ALOX5AP: variants seen among roughly 807,000 people sequenced by gnomAD.
ALOX5AP encodes arachidonate 5-lipoxygenase-activating protein.
ALOX5AP carries 9 observed loss-of-function variants against 18.5 expected under a neutral mutation model. That is an observed-to-expected ratio of 0.49 (90% CI 0.29 to 0.85). The LOEUF is 0.85. ALOX5AP is among the 40% of genes least tolerant of loss of function. The pLI, the probability that ALOX5AP is intolerant of heterozygous loss-of-function variation, is 0.08. For synonymous variants in ALOX5AP, 81 were observed against 78.6 expected (o/e 1.03, Z -0.16); for missense variants, 172 against 202.5 (o/e 0.85, Z 0.91).
upstream of ALOX5AP, among the ~76,000 whole-genome samples, chr13:30,732,424 A>G (rs1052270633): frequency 6.6e-6 from 1 of 152,180 alleles, no homozygotes; most frequent in African/African-American, 2.4e-5. Flanking sequence ...CTTCTTTAAA[A>G]ACTGGAAATT....
intron 2 of ALOX5AP, among the ~76,000 whole-genome samples, chr13:30,751,342 C>T (rs140061764): frequency 1.3e-5 from 2 of 152,114 alleles, no homozygotes; most frequent in African/African-American, 4.8e-5. Context: ...GATTACAAGG[C>T]GTGTTGTTTT....
intron 1 of ALOX5AP, among the ~76,000 whole-genome samples, chr13:30,736,282 A>AAG (rs149655927): frequency 2.8e-4 from 42 of 149,030 alleles, no homozygotes; most frequent in Non-Finnish European, 4.9e-4. Context: ...ATACTTCAGA[A>AAG]AGAGAGAGAG....
At chr13:30,744,472 A>G (rs1951792922) in intron 2 of ALOX5AP, 2 of 247,086 alleles carry the variant, frequency 8.1e-6, no homozygotes, top group Admixed American at 9.6e-5. Flanking sequence ...GTGGGGTTAG[A>G]CCAGGGTTGC....
chr13:30,761,463 T>G (rs537893420), intron 4 of ALOX5AP, among the ~76,000 whole-genome samples: 1 of 152,232 alleles, frequency 6.6e-6, no homozygotes, highest in East Asian at 1.9e-4. Flanking sequence ...ATATTTGACT[T>G]TTCACAATTT....
At chr13:30,714,362 G>C (rs1951532860) in intron 1 of ALOX5AP, among the ~76,000 whole-genome samples, 1 of 152,022 alleles carries the variant, frequency 6.6e-6, no homozygotes, top group South Asian at 2.1e-4. Flanking sequence ...TCCTCACTGA[G>C]AGGGTTTCCC....
chr13:30,750,192 C>T (rs1951841377), intron 2 of ALOX5AP, among the ~76,000 whole-genome samples: 1 of 152,128 alleles, frequency 6.6e-6, no homozygotes, highest in Non-Finnish European at 1.5e-5. Flanking sequence ...GGAGAACTGC[C>T]ACCTTCGACC....
At chr13:30,731,496 C>T (rs1951680302), upstream of ALOX5AP, among the ~76,000 whole-genome samples, 3 of 152,052 alleles carry the variant, frequency 2.0e-5, no homozygotes, top group Admixed American at 6.5e-5. Flanking sequence ...TGCCTCAGCC[C>T]CGAGTAGCTG....
chr13:30,756,123 C>T (rs1951891709), intron 4 of ALOX5AP, 98 bp downstream of exon 4: 4 of 1,151,356 alleles, frequency 3.5e-6, no homozygotes, highest in Admixed American at 1.9e-5. Context: ...ATTCACGGCT[C>T]CGTAGCATCC....
Position 30,763,926 on chromosome 13 carries a change from T to C in ALOX5AP, c.324-18T>C. 1.2e-6 allele frequency: 2 copies of C among 1,608,452 alleles called. No individual in the cohort carries two copies. Among genetic ancestry groups the C allele is most frequent in the Non-Finnish European group, 8.5e-7 (1 of 1,178,136 alleles). On this transcript the variant is annotated intron_variant, in intron 4 of 4. Coordinates refer to ENST00000380490, the MANE Select transcript of ALOX5AP (RefSeq NM_001629.4). ...CATTCGCACTGCATCTACAGTTTTC[T>C]TTTTCCTTCTCTTCCAGCACCCCTG... is the stretch of plus-strand genomic sequence containing the variant.
exon 1 of ALOX5AP, chr13:30,713,836 G>A: frequency 6.7e-7 from 1 of 1,481,534 alleles, no homozygotes; most frequent in Non-Finnish European, 8.9e-7. Flanking sequence ...TAAGCCATCA[G>A]TGCTGGTGTG....
intron 4 of ALOX5AP, among the ~76,000 whole-genome samples, chr13:30,756,736 C>A (rs1951897731): frequency 6.8e-6 from 1 of 147,514 alleles, no homozygotes; most frequent in African/African-American, 2.5e-5. Context: ...TCGCTTGAAC[C>A]CAGGAGGCAG....
At chr13:30,736,363 C>G (rs561185961) in intron 1 of ALOX5AP, among the ~76,000 whole-genome samples, 1 of 152,084 alleles carries the variant, frequency 6.6e-6, no homozygotes, top group South Asian at 2.1e-4. Flanking sequence ...ACAACAACAA[C>G]AACAAAAAAC....
intron 1 of ALOX5AP, among the ~76,000 whole-genome samples, chr13:30,718,868 A>G (rs1951571073): frequency 6.6e-6 from 1 of 152,236 alleles, no homozygotes; most frequent in Non-Finnish European, 1.5e-5. Context: ...CCCCAAGTTC[A>G]CAGAGAATGT....
At chr13:30,762,690 C>T (rs945590006) in intron 4 of ALOX5AP, among the ~76,000 whole-genome samples, 1 of 152,162 alleles carries the variant, frequency 6.6e-6, no homozygotes, top group African/African-American at 2.4e-5. Context: ...CCTGTGGATG[C>T]CAAATGCTGC....
At chr13:30,755,001 A>G (rs1951881451) in intron 3 of ALOX5AP, among the ~76,000 whole-genome samples, 1 of 152,234 alleles carries the variant, frequency 6.6e-6, no homozygotes, top group Non-Finnish European at 1.5e-5. Context: ...GCTCTAGATA[A>G]CACTAGTTCC....
intron 2 of ALOX5AP, among the ~76,000 whole-genome samples, chr13:30,749,935 G>T (rs1050917931): frequency 2.0e-5 from 3 of 152,128 alleles, no homozygotes; most frequent in Non-Finnish European, 2.9e-5. Context: ...TACCACTGAG[G>T]CATGAGACCC....
chr13:30,714,407 G>C (rs1291493168), intron 1 of ALOX5AP, among the ~76,000 whole-genome samples: 1 of 152,054 alleles, frequency 6.6e-6, no homozygotes, highest in African/African-American at 2.4e-5. Flanking sequence ...AGGGAGACCT[G>C]ACGGGTCGAT....
At chr13:30,717,994 T>C (rs1951562870) in intron 1 of ALOX5AP, among the ~76,000 whole-genome samples, 1 of 151,430 alleles carries the variant, frequency 6.6e-6, no homozygotes, top group South Asian at 2.1e-4. Context: ...AGTTTCACTC[T>C]TGTTGCCCAG....
rs1463605502 is a variant in ALOX5AP at position 30,735,681 on chromosome 13, G to A, written c.70+6G>A. On this transcript the variant is annotated splice_donor_region_variant and intron_variant, in intron 1 of 4. Transcript: ENST00000380490. ...CATCAGCGTGGTCCAGAATGGTAAG[G>A]AAAGCCCTTCACTCAGGGAAGAACA... The A allele has an allele frequency of 1.9e-6, 3 of 1,613,964 alleles. No individual in the cohort carries two copies. Among genetic ancestry groups the A allele is most frequent in the Non-Finnish European group, 2.5e-6 (3 of 1,180,002 alleles).
Sources: gnomAD v4.1 joint callset for allele counts (sites outside exome capture counted in the v4.1 genomes callset) on GRCh38, gnomAD v4.1.1 for gene constraint, MANE v1.5 for transcripts, NCBI Gene and HGNC (gene_info 2026-07-23, HGNC 2026-07-21) for gene names.